The following STX8 variants were observed in gnomAD, a reference collection of about 807,000 sequenced individuals.
STX8 encodes the protein syntaxin-8.
Under a neutral mutation model 37.5 loss-of-function variants are expected in STX8, and 23 were observed. That is an observed-to-expected ratio of 0.61 (90% CI 0.44 to 0.87). STX8 has a LOEUF of 0.87. STX8 is among the 40% of genes least tolerant of loss of function. The probability of loss-of-function intolerance (pLI) is 0.00; values close to 1 mark genes in which losing one functional copy is unlikely to be tolerated. For synonymous variants in STX8, 115 were observed against 99.1 expected (o/e 1.16, Z -0.95); for missense variants, 313 against 284.7 (o/e 1.10, Z -0.71).
intron 7 of STX8, among the ~76,000 whole-genome samples, chr17:9,324,083 ATCCCTCTCTCTCTCTCTCTC>A (rs1448270295): frequency 6.7e-6 from 1 of 148,252 alleles, no homozygotes; most frequent in Non-Finnish European, 1.5e-5. Flanking sequence ...GTCTCAGGGC[ATCCCTCTCTCTCTCTCTCTC>A]TCTCTGTCTC....
chr17:9,470,150 T>C (rs1905788490), intron 6 of STX8: 1 of 152,214 alleles, frequency 6.6e-6, no homozygotes, highest in South Asian at 2.1e-4. Flanking sequence ...TATCACTGCA[T>C]TCAAAATGCT....
intron 7 of STX8, among the ~76,000 whole-genome samples, chr17:9,322,840 A>G (rs898513058): frequency 7.7e-6 from 1 of 130,348 alleles, no homozygotes; most frequent in African/African-American, 2.8e-5. Flanking sequence ...AAAAAAAAAA[A>G]GAGGCAAAAC....
At chr17:9,341,477 G>A (rs370053291) in intron 7 of STX8, among the ~76,000 whole-genome samples, 1 of 152,088 alleles carries the variant, frequency 6.6e-6, no homozygotes, top group East Asian at 1.9e-4. Flanking sequence ...TTGCTCTGTT[G>A]CCAGGCTAGA....
chr17:9,490,611 T>G (rs1356685228), intron 6 of STX8, among the ~76,000 whole-genome samples: 1 of 152,142 alleles, frequency 6.6e-6, no homozygotes, highest in Non-Finnish European at 1.5e-5. Context: ...GTAATCCGCC[T>G]GCCTCAGCCT....
intron 7 of STX8, among the ~76,000 whole-genome samples, chr17:9,367,418 G>A (rs1911262807): frequency 6.6e-6 from 1 of 152,076 alleles, no homozygotes; most frequent in African/African-American, 2.4e-5. Context: ...TCTGTCCTCT[G>A]GCCCTGCAGC....
chr17:9,302,254 A>C (rs1026738403), intron 7 of STX8, among the ~76,000 whole-genome samples: 19 of 152,010 alleles, frequency 1.2e-4, no homozygotes, highest in African/African-American at 4.3e-4. Flanking sequence ...GTGTTTATAT[A>C]CCCCTTCTCA....
intron 4 of STX8, among the ~76,000 whole-genome samples, chr17:9,522,996 CACATTATAT>C (rs1486877748): frequency 6.6e-6 from 1 of 151,938 alleles, no homozygotes; most frequent in African/African-American, 2.4e-5. Context: ...TTGATCATTA[CACATTATAT>C]ACATGTATCA....
chr17:9,447,025 T>G (rs1242307377), intron 6 of STX8, among the ~76,000 whole-genome samples: 2 of 152,226 alleles, frequency 1.3e-5, no homozygotes, highest in Non-Finnish European at 2.9e-5. Context: ...TCATCCTGAT[T>G]GTTCCCTACT....
chr17:9,263,691 CAT>C (rs1194244734), intron 7 of STX8, among the ~76,000 whole-genome samples: 2 of 152,146 alleles, frequency 1.3e-5, no homozygotes, highest in African/African-American at 4.8e-5. Flanking sequence ...CATCTTTGAA[CAT>C]AAACCTTTGT....
intron 7 of STX8, among the ~76,000 whole-genome samples, chr17:9,334,108 G>T (rs1220152450): frequency 5.7e-5 from 8 of 140,844 alleles, no homozygotes; most frequent in Non-Finnish European, 1.2e-4. Flanking sequence ...GGTCGTCCCT[G>T]TCTTCTTGCA....
chr17:9,393,919 C>T (rs549818242), intron 6 of STX8, among the ~76,000 whole-genome samples: 6 of 152,010 alleles, frequency 3.9e-5, no homozygotes, highest in African/African-American at 1.5e-4. Context: ...AGTGGCTAAA[C>T]AAACCTACAC....
intron 6 of STX8, among the ~76,000 whole-genome samples, chr17:9,444,032 T>TA (rs1383336233): frequency 6.6e-5 from 10 of 152,160 alleles, no homozygotes; most frequent in Non-Finnish European, 1.2e-4. Flanking sequence ...ATCCAGAACA[T>TA]ACCATAGCAC....
chr17:9,289,652 C>T (rs953400949), intron 7 of STX8, among the ~76,000 whole-genome samples: 14 of 150,618 alleles, frequency 9.3e-5, no homozygotes, highest in South Asian at 4.2e-4. Context: ...TGGTGGCGGG[C>T]GCCTGTAGTC....
intron 6 of STX8, among the ~76,000 whole-genome samples, chr17:9,484,719 C>T (rs540216970): frequency 2.0e-4 from 30 of 151,424 alleles, no homozygotes; most frequent in East Asian, 1.4e-3. Context: ...CCCAGCTACT[C>T]GGGAGGCTGA....
chr17:9,420,242 G>C (rs1913373946), intron 6 of STX8, among the ~76,000 whole-genome samples: 1 of 152,188 alleles, frequency 6.6e-6, no homozygotes, highest in Admixed American at 6.5e-5. Context: ...TCGGCCGCCA[G>C]GGACTCAGAA....
chr17:9,518,741 G>A (rs1251403393), intron 4 of STX8, among the ~76,000 whole-genome samples: 3 of 152,076 alleles, frequency 2.0e-5, no homozygotes, highest in South Asian at 2.1e-4. Context: ...AGTGGTGGGC[G>A]CCTGCAATCC....
chr17:9,545,310 G>A, intron 3 of STX8, 28 bp from the exon 4 acceptor site: 1 of 1,493,892 alleles, frequency 6.7e-7, no homozygotes, highest in Middle Eastern at 1.7e-4. Flanking sequence ...AGGTTCAATG[G>A]TGAATAAATG....
chr17:9,561,145 A>G (rs1567610648), intron 2 of STX8, among the ~76,000 whole-genome samples: 1 of 152,230 alleles, frequency 6.6e-6, no homozygotes. Context: ...TTAAGTATTT[A>G]TAAAACCTCT....
At chr17:9,511,397 T>C in intron 4 of STX8, among the ~76,000 whole-genome samples, 1 of 152,074 alleles carries the variant, frequency 6.6e-6, no homozygotes. Flanking sequence ...ATCAAAAAGA[T>C]AATATACCAT....
Sources: allele counts gnomAD v4.1 joint callset (sites outside exome capture counted in the v4.1 genomes callset), GRCh38; gene constraint gnomAD v4.1.1; transcripts MANE v1.5; gene names NCBI Gene and HGNC (gene_info 2026-07-23, HGNC 2026-07-21).